BTBD9: variants seen among roughly 807,000 people sequenced by gnomAD.
BTBD9 encodes BTB domain containing 9.
BTBD9 carries 49 observed loss-of-function variants against 64.3 expected under a neutral mutation model. That is an observed-to-expected ratio of 0.76 (90% CI 0.61 to 0.97). The LOEUF (loss-of-function observed/expected upper bound fraction) is 0.97, where lower values mean the gene tolerates loss of function less well. BTBD9 is among the 50% of genes least tolerant of loss of function. The pLI, the probability that BTBD9 is intolerant of heterozygous loss-of-function variation, is 0.00. For missense variants in BTBD9, 598 were observed against 762.1 expected (o/e 0.78, Z 2.53); for synonymous variants, 260 against 274.7 (o/e 0.95, Z 0.53).
intron 6 of BTBD9, among the ~76,000 whole-genome samples, chr6:38,437,623 T>TA (rs1256973608): frequency 4.6e-5 from 7 of 152,222 alleles, no homozygotes; most frequent in African/African-American, 1.7e-4. Context: ...TCTTTAATCT[T>TA]ATACCCCAGA....
chr6:38,190,842 G>A (rs542444326), intron 10 of BTBD9, among the ~76,000 whole-genome samples: 1 of 152,304 alleles, frequency 6.6e-6, no homozygotes, highest in South Asian at 2.1e-4. Context: ...ACCTAGGGCA[G>A]CCCTAGAAGA....
intron 9 of BTBD9, among the ~76,000 whole-genome samples, chr6:38,237,878 C>T (rs1276602044): frequency 1.3e-5 from 2 of 152,004 alleles, no homozygotes; most frequent in African/African-American, 4.8e-5. Flanking sequence ...TAGCTCATGC[C>T]TCTACTCCCA....
At chr6:38,621,178 A>C (rs1409627212) in intron 1 of BTBD9, among the ~76,000 whole-genome samples, 1 of 152,186 alleles carries the variant, frequency 6.6e-6, no homozygotes, top group Non-Finnish European at 1.5e-5. Context: ...CACTGTCTGG[A>C]CTACTCATGA....
chr6:38,435,296 C>T (rs944618947), intron 6 of BTBD9, among the ~76,000 whole-genome samples: 3 of 151,174 alleles, frequency 2.0e-5, no homozygotes, highest in Admixed American at 6.6e-5. Flanking sequence ...AGGTTTATGG[C>T]GCAAGACCAG....
chr6:38,594,500 GAATGA>G, intron 2 of BTBD9, 173 bp from the exon 3 acceptor site: 1 of 728,704 alleles, frequency 1.4e-6, no homozygotes, highest in Non-Finnish European at 2.1e-6. Flanking sequence ...GACACAAGAG[GAATGA>G]TTTTAAAACT....
intron 6 of BTBD9, among the ~76,000 whole-genome samples, chr6:38,387,557 A>G (rs766451303): frequency 1.2e-4 from 18 of 152,086 alleles, no homozygotes; most frequent in Non-Finnish European, 2.4e-4. Flanking sequence ...CAAAACAACA[A>G]TAACAATAAT....
chr6:38,267,054 C>A (rs1438413484), intron 8 of BTBD9, among the ~76,000 whole-genome samples: 2 of 152,218 alleles, frequency 1.3e-5, no homozygotes, highest in Non-Finnish European at 2.9e-5. Context: ...GTGAGATCAG[C>A]CTGATTTGGT....
At chr6:38,403,701 A>C (rs1767047861) in intron 6 of BTBD9, among the ~76,000 whole-genome samples, 1 of 152,234 alleles carries the variant, frequency 6.6e-6, no homozygotes, top group African/African-American at 2.4e-5. Context: ...CAGAATTTCC[A>C]TATGACCCAG....
intron 8 of BTBD9, among the ~76,000 whole-genome samples, chr6:38,269,323 G>T (rs1447026981): frequency 6.6e-6 from 1 of 151,544 alleles, no homozygotes; most frequent in Non-Finnish European, 1.5e-5. Context: ...TTGAAGAATG[G>T]TGAGAAGCCA....
intron 9 of BTBD9, among the ~76,000 whole-genome samples, chr6:38,237,972 T>C (rs937576426): frequency 6.6e-6 from 1 of 152,174 alleles, no homozygotes; most frequent in East Asian, 1.9e-4. Context: ...TCCCTGTCTC[T>C]ATTTAAAAAA....
At chr6:38,634,329 T>G (rs1778459802) in intron 1 of BTBD9, among the ~76,000 whole-genome samples, 1 of 152,216 alleles carries the variant, frequency 6.6e-6, no homozygotes, top group African/African-American at 2.4e-5. Flanking sequence ...CCAAAGAATA[T>G]TGGCAAGCAA....
rs561162332 is a variant in BTBD9, at chr6:38,613,631, A to T, written c.-27-15510T>A. On this transcript the variant is annotated intron_variant, in intron 1 of 10. Transcript: ENST00000481247. The stretch of plus-strand genomic sequence containing the variant: ...ACAGAGTGAGACTTTATCTTTTTTA[A>T]AAAAAAAAATACAGCCCATATGGAC... Among the ~76,000 whole-genome samples, 63 of 151,028 alleles carry T rather than the reference A, an allele frequency of 4.2e-4. 1 individual carries two copies. Among genetic ancestry groups the T allele is most frequent in the Non-Finnish European group, 2.8e-4 (19 of 67,694 alleles).
intron 1 of BTBD9, among the ~76,000 whole-genome samples, chr6:38,617,688 T>C (rs1168072086): frequency 6.6e-6 from 1 of 152,202 alleles, no homozygotes; most frequent in Admixed American, 6.5e-5. Context: ...ATGTCCTTCC[T>C]ATTCAAATGA....
At chr6:38,428,643 C>T (rs541849633) in intron 6 of BTBD9, among the ~76,000 whole-genome samples, 1 of 151,828 alleles carries the variant, frequency 6.6e-6, no homozygotes, top group Admixed American at 6.5e-5. Flanking sequence ...AATGAATGAA[C>T]CAATGAATGG....
At chr6:38,605,984 T>A (rs1562410702) in intron 1 of BTBD9, among the ~76,000 whole-genome samples, 1 of 152,194 alleles carries the variant, frequency 6.6e-6, no homozygotes, top group Non-Finnish European at 1.5e-5. Context: ...GCTGCCAGCA[T>A]AAAAGCAGGA....
intron 7 of BTBD9, among the ~76,000 whole-genome samples, chr6:38,291,805 G>T (rs1300714572): frequency 6.6e-6 from 1 of 152,098 alleles, no homozygotes; most frequent in African/African-American, 2.4e-5. Flanking sequence ...TTATTGATTT[G>T]CGTATGTTGA....
chr6:38,378,121 C>A (rs1261383408), intron 6 of BTBD9, among the ~76,000 whole-genome samples: 3 of 152,196 alleles, frequency 2.0e-5, no homozygotes, highest in African/African-American at 7.2e-5. Context: ...TCGGGGAACC[C>A]TCCCCCTTAT....
At chr6:38,348,606 C>T (rs1357222340) in intron 6 of BTBD9, among the ~76,000 whole-genome samples, 1 of 152,206 alleles carries the variant, frequency 6.6e-6, no homozygotes, top group African/African-American at 2.4e-5. Context: ...GTGTAACAGT[C>T]TGTTTCCAAT....
chr6:38,383,345 G>T (rs993961055), intron 6 of BTBD9, among the ~76,000 whole-genome samples: 1 of 151,782 alleles, frequency 6.6e-6, no homozygotes, highest in Middle Eastern at 3.2e-3. Flanking sequence ...AGCAAACCAG[G>T]AATATAAGGC....
Sources: allele counts gnomAD v4.1 joint callset (sites outside exome capture counted in the v4.1 genomes callset), GRCh38; gene constraint gnomAD v4.1.1; transcripts MANE v1.5; gene names NCBI Gene and HGNC (gene_info 2026-07-23, HGNC 2026-07-21).